The following EEIG2 variants were observed in gnomAD, a reference collection of about 807,000 sequenced individuals.
EEIG2 encodes the protein EEIG family member 2.
the EEIG2 span, chr1:108,629,929 T>G: frequency 1.5e-5 from 6 of 404,012 alleles, no homozygotes; most frequent in Non-Finnish European, 4.5e-6. Flanking sequence ...ATTGGGAAAG[T>G]TGCAATATAA....
At chr1:108,628,039 T>C in the EEIG2 span, 1 of 721,884 alleles carries the variant, frequency 1.4e-6, no homozygotes, top group African/African-American at 1.8e-5. Context: ...TAAAAGGATG[T>C]CCCTCATTTT....
At chr1:108,612,893 C>A in the EEIG2 span, among the ~76,000 whole-genome samples, 123,469 of 152,240 alleles carry the variant, frequency 0.81, 52,230 homozygotes, top group Non-Finnish European at 0.93. Context: ...GTTAGGTTAC[C>A]CCATGATGGT....
chr1:108,629,031 A>C, the EEIG2 span, among the ~76,000 whole-genome samples: 1 of 152,234 alleles, frequency 6.6e-6, no homozygotes, highest in African/African-American at 2.4e-5. Context: ...TCAATTTTAA[A>C]TAAAACATTT....
the EEIG2 span, chr1:108,560,611 G>A: frequency 6.3e-7 from 1 of 1,590,828 alleles, no homozygotes; most frequent in Admixed American, 1.7e-5. Flanking sequence ...CTTGGCCAGG[G>A]CTTGTTGGAT....
the EEIG2 span, among the ~76,000 whole-genome samples, chr1:108,623,602 TTG>T: frequency 1.3e-5 from 2 of 152,242 alleles, no homozygotes; most frequent in African/African-American, 4.8e-5. Flanking sequence ...TTATTATGCA[TTG>T]CATGCCTGTA....
the EEIG2 span, among the ~76,000 whole-genome samples, chr1:108,586,494 C>G: frequency 6.6e-6 from 1 of 151,966 alleles, no homozygotes; most frequent in Non-Finnish European, 1.5e-5. Context: ...TTTCAACATC[C>G]CTTCAGTGTT....
chr1:108,626,158 G>C, the EEIG2 span: 1 of 152,074 alleles, frequency 6.6e-6, no homozygotes, highest in Non-Finnish European at 1.5e-5. Context: ...CAAAGGGTTT[G>C]GTCCCCTCAC....
At chr1:108,576,334 T>C in the EEIG2 span, among the ~76,000 whole-genome samples, 1 of 151,858 alleles carries the variant, frequency 6.6e-6, no homozygotes, top group African/African-American at 2.4e-5. Context: ...TTAGGGTACA[T>C]GTGCACATTG....
At chr1:108,636,906 CAT>C in the EEIG2 span, 905 of 152,204 alleles carry the variant, frequency 5.9e-3, 6 homozygotes, top group African/African-American at 0.02. Flanking sequence ...TTTTTAAAAA[CAT>C]ATTTTTCTAT....
At chr1:108,600,814 C>T in the EEIG2 span, 5 of 845,968 alleles carry the variant, frequency 5.9e-6, no homozygotes, top group Non-Finnish European at 6.9e-6. Flanking sequence ...ACTTCATGCT[C>T]GCTGCAGTAA....
chr1:108,590,110 C>T, the EEIG2 span, among the ~76,000 whole-genome samples: 1 of 152,186 alleles, frequency 6.6e-6, no homozygotes, highest in South Asian at 2.1e-4. Flanking sequence ...TCCCTAATCC[C>T]ACTAGCAAAA....
the EEIG2 span, among the ~76,000 whole-genome samples, chr1:108,620,700 C>T: frequency 6.6e-6 from 1 of 152,046 alleles, no homozygotes; most frequent in Non-Finnish European, 1.5e-5. Flanking sequence ...TAAATATTAT[C>T]CATATTTTTG....
At chr1:108,629,779 G>T in the EEIG2 span, 2 of 730,950 alleles carry the variant, frequency 2.7e-6, no homozygotes, top group Non-Finnish European at 4.9e-6. Flanking sequence ...GATAGTAGTA[G>T]TTACATGCGA....
the EEIG2 span, among the ~76,000 whole-genome samples, chr1:108,592,915 T>C: frequency 6.6e-6 from 1 of 152,254 alleles, no homozygotes; most frequent in East Asian, 1.9e-4. Flanking sequence ...CTCAGCACTT[T>C]GAGAGGCCAG....
chr1:108,575,238 A>G, the EEIG2 span, among the ~76,000 whole-genome samples: 1 of 152,206 alleles, frequency 6.6e-6, no homozygotes, highest in Non-Finnish European at 1.5e-5. Flanking sequence ...TAGAGTCAAA[A>G]TGTCTGACAT....
chr1:108,596,157 TAAAG>T, the EEIG2 span, among the ~76,000 whole-genome samples: 1 of 148,604 alleles, frequency 6.7e-6, no homozygotes, highest in Non-Finnish European at 1.5e-5. Flanking sequence ...TGTTAGACAA[TAAAG>T]AAAATTCTTA....
At chr1:108,617,154 C>CG in the EEIG2 span, among the ~76,000 whole-genome samples, 1 of 151,896 alleles carries the variant, frequency 6.6e-6, no homozygotes, top group Non-Finnish European at 1.5e-5. Flanking sequence ...AATGAAGAGG[C>CG]GGGTGATAGG....
the EEIG2 span, among the ~76,000 whole-genome samples, chr1:108,583,185 C>A: frequency 2.6e-5 from 4 of 151,786 alleles, no homozygotes; most frequent in Admixed American, 1.3e-4. Context: ...GAAACAGGGT[C>A]TCACTCTGTC....
chr1:108,625,966 C>G, the EEIG2 span: 1 of 152,294 alleles, frequency 6.6e-6, no homozygotes, highest in Non-Finnish European at 1.5e-5. Context: ...CCCTCTCTTG[C>G]TGCTATCCCC....
Sources: gnomAD v4.1 joint callset for allele counts (sites outside exome capture counted in the v4.1 genomes callset) on GRCh38, gnomAD v4.1.1 for gene constraint, MANE v1.5 for transcripts, NCBI Gene and HGNC (gene_info 2026-07-23, HGNC 2026-07-21) for gene names.